IL1RAPL2: variants seen among roughly 807,000 people sequenced by gnomAD.
The protein encoded by IL1RAPL2 is interleukin 1 receptor accessory protein like 2, also known as X-linked interleukin-1 receptor accessory protein-like 2.
IL1RAPL2 carries 3 observed loss-of-function variants against 44.1 expected under a neutral mutation model. The observed-to-expected ratio is 0.07, with a 90% CI of 0.03 to 0.18. The LOEUF (loss-of-function observed/expected upper bound fraction) is 0.18, where lower values mean the gene tolerates loss of function less well. Ranked by LOEUF, IL1RAPL2 falls within the 10% of genes least tolerant of loss-of-function variation. The pLI, the probability that IL1RAPL2 is intolerant of heterozygous loss-of-function variation, is 1.00. For synonymous variants in IL1RAPL2, 181 were observed against 178.8 expected, an observed-to-expected ratio of 1.01 and a Z score of -0.10; for missense variants, 391 against 496.4, an observed-to-expected ratio of 0.79 and a Z score of 2.02.
chrX:105,580,433 C>T (rs1170580621), intron 6 of IL1RAPL2, among the ~76,000 whole-genome samples: 2 of 103,049 alleles, frequency 1.9e-5, no homozygotes, highest in Non-Finnish European at 3.9e-5. Context: ...AATGACTGTA[C>T]AGCTGCCAAC....
At chrX:105,122,233 A>G (rs1420762999) in intron 2 of IL1RAPL2, among the ~76,000 whole-genome samples, 1 of 111,720 alleles carries the variant, frequency 9.0e-6, no homozygotes, top group African/African-American at 3.2e-5. Context: ...TTAGAAGATT[A>G]CATTTTTGTT....
chrX:104,814,798 C>A (rs760598005), intron 2 of IL1RAPL2, among the ~76,000 whole-genome samples: 7 of 112,059 alleles, frequency 6.2e-5, no homozygotes, highest in Non-Finnish European at 1.1e-4. Flanking sequence ...ATTTCTACAT[C>A]AAAGAAAGTG....
At chrX:105,315,380 T>C (rs1013591685) in intron 5 of IL1RAPL2, among the ~76,000 whole-genome samples, 5 of 105,472 alleles carry the variant, frequency 4.7e-5, no homozygotes, top group Non-Finnish European at 7.8e-5. Context: ...ATTACCTTTT[T>C]TTAAAAAAAA....
chrX:105,267,276 T>C, intron 4 of IL1RAPL2, 112 bp from the exon 5 acceptor site: 1 of 672,607 alleles, frequency 1.5e-6, no homozygotes, highest in South Asian at 2.8e-5. Context: ...TAGTTACATA[T>C]TTTGAAAACG....
chrX:104,976,756 G>A (rs2030343457), intron 2 of IL1RAPL2, among the ~76,000 whole-genome samples: 2 of 110,855 alleles, frequency 1.8e-5, no homozygotes, highest in African/African-American at 6.6e-5. Flanking sequence ...AAACCCCAGA[G>A]TATCTGTGGG....
At chrX:105,120,481 A>G (rs1403057423) in intron 2 of IL1RAPL2, among the ~76,000 whole-genome samples, 1 of 111,244 alleles carries the variant, frequency 9.0e-6, no homozygotes, top group African/African-American at 3.3e-5. Context: ...AAGATCTGGC[A>G]CTTTGGAGTG....
intron 2 of IL1RAPL2, among the ~76,000 whole-genome samples, chrX:104,694,795 T>C (rs1263846917): frequency 2.7e-5 from 3 of 111,781 alleles, no homozygotes; most frequent in Non-Finnish European, 5.6e-5. Context: ...CTTGAGAAAG[T>C]GGCTAGAATT....
intron 1 of IL1RAPL2, among the ~76,000 whole-genome samples, chrX:104,582,616 CTTTCTTTCTTTCT>C (rs1928389066): frequency 2.0e-4 from 6 of 30,625 alleles, no homozygotes; most frequent in Non-Finnish European, 3.3e-4. Flanking sequence ...TTCTTTCTTT[CTTTCTTTCTTTCT>C]TTCTTTCTTT....
At chrX:105,367,976 TA>T (rs979663254) in intron 5 of IL1RAPL2, among the ~76,000 whole-genome samples, 61 of 111,052 alleles carry the variant, frequency 5.5e-4, no homozygotes, top group African/African-American at 2.0e-3. Flanking sequence ...AGTTTTTTTT[TA>T]ATCTCCCCTT....
chrX:104,579,048 T>C (rs1197996513), intron 1 of IL1RAPL2, among the ~76,000 whole-genome samples: 1 of 111,741 alleles, frequency 8.9e-6, no homozygotes, highest in East Asian at 2.8e-4. Context: ...TTTATAAACA[T>C]GGAGATACAT....
At chrX:104,921,884 C>G (rs188256854) in intron 2 of IL1RAPL2, among the ~76,000 whole-genome samples, 50 of 112,103 alleles carry the variant, frequency 4.5e-4, no homozygotes, top group African/African-American at 1.6e-3. Flanking sequence ...TCTCCCAAGT[C>G]CAGGGTGCAG....
At chrX:105,326,554 A>G (rs1343099812) in intron 5 of IL1RAPL2, among the ~76,000 whole-genome samples, 7 of 111,749 alleles carry the variant, frequency 6.3e-5, no homozygotes, top group Non-Finnish European at 1.1e-4. Context: ...TCTTACATGT[A>G]GGTCTTTGGT....
chrX:105,310,263 T>G (rs2034786952), intron 5 of IL1RAPL2, among the ~76,000 whole-genome samples: 1 of 111,842 alleles, frequency 8.9e-6, no homozygotes, highest in East Asian at 2.8e-4. Flanking sequence ...TTTATAATAT[T>G]GCCTTAATAT....
At chrX:104,664,382 T>C (rs1930453968) in intron 2 of IL1RAPL2, among the ~76,000 whole-genome samples, 1 of 111,200 alleles carries the variant, frequency 9.0e-6, no homozygotes, top group Admixed American at 9.6e-5. Context: ...CTCTGATCTC[T>C]GTAGCTCCAG....
rs1165454602 is a variant in IL1RAPL2, at chrX:104,983,564, T to TA, written c.83-211910dup. On this transcript the variant is annotated intron_variant, in intron 2 of 10. Coordinates refer to ENST00000372582, the MANE Select transcript of IL1RAPL2 (RefSeq NM_017416.2). Reference sequence around the variant, plus strand: ...AATATTATATTATAGACATATTATATATTATATTATAGACATAATATATAA... The same window carrying TA: ...AATATTATATTATAGACATATTATATAATTATATTATAGACATAATATATAA... 1.2e-3 allele frequency among the ~76,000 whole-genome samples: 85 copies of TA among 68,649 alleles called. 1 individual carries two copies. The highest frequency in any genetic ancestry group is 3.7e-3 in the African/African-American group (80 of 21,524). The allele number at this position is 68,649 out of a possible 115,157, so 59.6% of individuals were successfully genotyped here. A position where few individuals can be genotyped will look rare whatever the true frequency, so the allele number is the denominator to read the frequency against.
At chrX:105,131,944 G>T (rs1358865362) in intron 2 of IL1RAPL2, among the ~76,000 whole-genome samples, 1 of 111,187 alleles carries the variant, frequency 9.0e-6, no homozygotes, top group Non-Finnish European at 1.9e-5. Context: ...TTCTTTTAAA[G>T]ACTTCTGTGA....
chrX:104,762,154 C>T (rs754736568), intron 2 of IL1RAPL2, among the ~76,000 whole-genome samples: 4 of 108,893 alleles, frequency 3.7e-5, no homozygotes, highest in South Asian at 4.1e-4. Flanking sequence ...CCCACCACCA[C>T]GCCTGGCCAA....
intron 7 of IL1RAPL2, among the ~76,000 whole-genome samples, chrX:105,729,935 G>GGGAA (rs1178876814): frequency 7.6e-4 from 65 of 85,796 alleles, no homozygotes; most frequent in Non-Finnish European, 1.3e-3. Context: ...GAGGGAGGGA[G>GGGAA]GGAAGGAAGG....
In IL1RAPL2 at chrX:104,987,412, A is replaced by G. The variant is rs1165090450; in HGVS notation, c.83-208063A>G. Among the ~76,000 whole-genome samples, 5 of 96,212 alleles carry G rather than the reference A, an allele frequency of 5.2e-5. No homozygotes were observed. The East Asian group carries it at 1.7e-3, about 34-fold the overall frequency. 83.5% of individuals were successfully genotyped at this position (96,212 alleles called of 115,157 possible). A position where few individuals can be genotyped will look rare whatever the true frequency, so the allele number is the denominator to read the frequency against. On this transcript the variant is annotated intron_variant, in intron 2 of 10. Coordinates refer to ENST00000372582, the MANE Select transcript of IL1RAPL2 (RefSeq NM_017416.2). ...TTTTCAGAAGGCTTTGAGGTAGTTT[A>G]TAAGTTGTGTATAATGTAAAAAAAA...
Sources: gnomAD v4.1 joint callset for allele counts (sites outside exome capture counted in the v4.1 genomes callset) on GRCh38, gnomAD v4.1.1 for gene constraint, MANE v1.5 for transcripts, NCBI Gene and HGNC (gene_info 2026-07-23, HGNC 2026-07-21) for gene names.